Variants in PAXBP1 observed in about 807,000 individuals in gnomAD.
The protein encoded by PAXBP1 is PAX3 and PAX7 binding protein 1.
Under a neutral mutation model 119.9 loss-of-function variants are expected in PAXBP1, and 44 were observed. The observed-to-expected ratio is 0.37, with a 90% CI of 0.29 to 0.47. PAXBP1 has a LOEUF of 0.47. Ranked by LOEUF, PAXBP1 falls within the 20% of genes least tolerant of loss-of-function variation. The probability of loss-of-function intolerance (pLI) is 0.99; values close to 1 mark genes in which losing one functional copy is unlikely to be tolerated. For missense variants in PAXBP1, 898 were observed against 1,134.1 expected (o/e 0.79, Z 2.99); for synonymous variants, 393 against 406.6 (o/e 0.97, Z 0.40).
At chr21:32,735,202 AT>A in intron 17 of PAXBP1, 135 bp from the exon 18 acceptor site, 1 of 644,224 alleles carries the variant, frequency 1.6e-6, no homozygotes, top group South Asian at 1.9e-5. Flanking sequence ...GGAAACAGAT[AT>A]GCAAGCTACA....
intron 15 of PAXBP1, among the ~76,000 whole-genome samples, chr21:32,739,387 G>C (rs994965091): frequency 1.3e-5 from 2 of 152,068 alleles, no homozygotes; most frequent in Non-Finnish European, 2.9e-5. Context: ...TCAGTAAAGT[G>C]AAAAAACAGC....
In PAXBP1 at chr21:32,769,827, G is replaced by C. The variant is rs754347919; in HGVS notation, c.459C>G (p.Asn153Lys). 1 of 1,601,134 alleles carries C rather than the reference G, an allele frequency of 6.2e-7. No individual in the cohort carries two copies. Among genetic ancestry groups the C allele is most frequent in the Admixed American group, 1.8e-5 (1 of 56,478 alleles). Residue 153 changes from asparagine (N) to lysine (K), a missense_variant, in exon 2 of 18, where the codon AAC (asparagine) becomes AAG (lysine). This residue lies in a region of PAXBP1 where 299 missense variants were observed against 281.4 expected (regional missense o/e 1.06). Transcript: ENST00000331923. ...TTTGGTACTTACTTTCAGCTGATGA[G>C]TTGAGTTCTGTCTTAATCTTCGATT... The part of the protein sequence containing the change: ...LEKSKIKTEL[N>K]SSAESEQPLD...
At chr21:32,762,866 G>GC (rs1158705209) in intron 3 of PAXBP1, among the ~76,000 whole-genome samples, 2 of 142,668 alleles carry the variant, frequency 1.4e-5, no homozygotes, top group African/African-American at 5.3e-5. Context: ...AGCCGAGATT[G>GC]CACCACTGCA....
intron 2 of PAXBP1, among the ~76,000 whole-genome samples, 164 bp from the exon 3 acceptor site, chr21:32,764,688 A>C (rs1168633689): frequency 1.3e-5 from 2 of 152,224 alleles, no homozygotes; most frequent in African/African-American, 4.8e-5. Flanking sequence ...ATTGTTTGTT[A>C]AAAACTCATA....
chr21:32,742,949 C>T (rs1371801254), intron 15 of PAXBP1: 1 of 521,470 alleles, frequency 1.9e-6, no homozygotes, highest in East Asian at 5.4e-5. Context: ...AGAACATATA[C>T]CCCATGGATA....
chr21:32,764,705 G>C (rs2044211217), intron 2 of PAXBP1, among the ~76,000 whole-genome samples, 181 bp from the exon 3 acceptor site: 1 of 152,132 alleles, frequency 6.6e-6, no homozygotes, highest in Non-Finnish European at 1.5e-5. Context: ...CATAACTCTT[G>C]AGTGTGTGAG....
At chr21:32,744,677 A>T (rs779699102) in intron 13 of PAXBP1, 115 bp downstream of exon 13, 8 of 1,151,570 alleles carry the variant, frequency 6.9e-6, no homozygotes, top group Non-Finnish European at 9.3e-6. Context: ...CTGATGGCCC[A>T]AGTGGGAGAA....
Position 32,736,501 on chromosome 21 carries a change from G to A in PAXBP1, c.2636+753C>T, listed in dbSNP as rs559925640. Reference sequence around the variant, plus strand: ...CATGCCTGGCCTAAAATCTTTAATAGCTACTTTAATTTTATTGTGGAAAAA... The same window carrying A: ...CATGCCTGGCCTAAAATCTTTAATAACTACTTTAATTTTATTGTGGAAAAA... On this transcript the variant is annotated intron_variant, in intron 17 of 17. Coordinates refer to ENST00000331923, the MANE Select transcript of PAXBP1 (RefSeq NM_016631.4). 4.6e-5 allele frequency among the ~76,000 whole-genome samples: 7 copies of A among 151,992 alleles called. No individual in the cohort carries two copies. The South Asian group carries it at 1.2e-3, about 27-fold the overall frequency.
intron 7 of PAXBP1, chr21:32,756,294 C>T (rs1448228586): frequency 3.7e-6 from 2 of 533,856 alleles, no homozygotes; most frequent in Middle Eastern, 3.2e-4. Flanking sequence ...ATGGTTAGTG[C>T]AAATGGAAAA....
chr21:32,746,247 A>G lies in PAXBP1; in HGVS notation c.1924-529T>C, dbSNP rs188855194. 1.6e-4 allele frequency among the ~76,000 whole-genome samples: 24 copies of G among 152,378 alleles called. No individual in the cohort carries two copies. The East Asian group carries it at 3.9e-3, about 24-fold the overall frequency. On this transcript the variant is annotated intron_variant, in intron 11 of 17. Transcript: ENST00000331923. ...CAAAAACACCAAAAGCAACTGCAACAAAAGCAAAAATTGACAAATGGTATC... is the reference window on the plus strand; with the variant it reads ...CAAAAACACCAAAAGCAACTGCAACGAAAGCAAAAATTGACAAATGGTATC...
At chr21:32,744,717 C>T (rs1179941747) in intron 13 of PAXBP1, 75 bp downstream of exon 13, 15 of 1,409,268 alleles carry the variant, frequency 1.1e-5, no homozygotes, top group Non-Finnish European at 1.4e-5. Context: ...AGGATAACCA[C>T]TCATTCTCTC....
chr21:32,741,648 T>C (rs377326918), intron 15 of PAXBP1: 2 of 691,946 alleles, frequency 2.9e-6, no homozygotes, highest in Non-Finnish European at 5.2e-6. Flanking sequence ...GTAGGTCAGA[T>C]GTTTTATGGC....
At chr21:32,749,963 C>T (rs1219756878) in intron 10 of PAXBP1, among the ~76,000 whole-genome samples, 1 of 152,058 alleles carries the variant, frequency 6.6e-6, no homozygotes, top group African/African-American at 2.4e-5. Flanking sequence ...ATCCTGGTTT[C>T]AAAAACCACA....
intron 15 of PAXBP1, 178 bp downstream of exon 15, chr21:32,743,070 T>A (rs1231531296): frequency 2.9e-6 from 2 of 693,662 alleles, no homozygotes; most frequent in Non-Finnish European, 5.4e-6. Flanking sequence ...CTTTCTCCTG[T>A]GAAAATATCA....
intron 6 of PAXBP1, 32 bp downstream of exon 6, chr21:32,759,744 CG>C: frequency 6.5e-7 from 1 of 1,548,074 alleles, no homozygotes; most frequent in East Asian, 2.2e-5. Context: ...AGAAAGCTAG[CG>C]GACAGGTCTT....
At chr21:32,744,321 G>A (rs1681849815) in intron 13 of PAXBP1, among the ~76,000 whole-genome samples, 1 of 150,358 alleles carries the variant, frequency 6.7e-6, no homozygotes, top group Non-Finnish European at 1.5e-5. Context: ...TAAATTTCAT[G>A]TATTAAGACA....
chr21:32,749,196 ATT>A (rs879356998), intron 10 of PAXBP1, among the ~76,000 whole-genome samples: 10 of 142,792 alleles, frequency 7.0e-5, no homozygotes, highest in African/African-American at 1.0e-4. Flanking sequence ...TGCGAATAAG[ATT>A]TTTTTTTTTT....
Position 32,734,533 on chromosome 21 carries a change from T to G in PAXBP1, c.*417A>C. Reference sequence around the variant, plus strand: ...AGTGTAGTAATTTCCCTAAGACAATTTGCTACCGGATAATTTTCTGCTGTT... The same window carrying G: ...AGTGTAGTAATTTCCCTAAGACAATGTGCTACCGGATAATTTTCTGCTGTT... On this transcript the variant is annotated 3_prime_UTR_variant, in exon 18 of 18. Coordinates refer to ENST00000331923, the MANE Select transcript of PAXBP1 (RefSeq NM_016631.4). 1.0e-5 allele frequency: 2 copies of G among 194,224 alleles called. No individual in the cohort carries two copies. Among genetic ancestry groups the G allele is most frequent in the South Asian group, 1.8e-4 (2 of 11,140 alleles). 12.0% of individuals were successfully genotyped at this position (194,224 alleles called of 1,614,324 possible).
intron 17 of PAXBP1, among the ~76,000 whole-genome samples, chr21:32,736,139 A>G (rs1430140820): frequency 6.6e-6 from 1 of 152,210 alleles, no homozygotes; most frequent in Non-Finnish European, 1.5e-5. Context: ...ACACACTAAG[A>G]ACAAAATCAA....
Sources: gnomAD v4.1 joint callset for allele counts (sites outside exome capture counted in the v4.1 genomes callset) on GRCh38, gnomAD v4.1.1 for gene constraint, gnomAD v4.1.1 regional missense constraint, MANE v1.5 for transcripts, NCBI Gene and HGNC (gene_info 2026-07-23, HGNC 2026-07-21) for gene names.